NBEAL1: variants seen among roughly 807,000 people sequenced by gnomAD.
NBEAL1 encodes neurobeachin like 1, also known as neurobeachin-like protein 1.
In NBEAL1, 273 loss-of-function variants were observed where a neutral mutation model predicts 351.3. The ratio of observed to expected loss-of-function variants is 0.78; its 90% CI spans 0.70 to 0.86. The LOEUF is 0.86. Ranked by LOEUF, NBEAL1 falls within the 40% of genes least tolerant of loss-of-function variation. NBEAL1 has a pLI of 0.00. For missense variants in NBEAL1, 2,961 were observed against 3,201.3 expected (o/e 0.92, Z 1.81); for synonymous variants, 1,050 against 1,086.4 (o/e 0.97, Z 0.66).
chr2:203,171,076 G>A (rs2064304249), intron 39 of NBEAL1, among the ~76,000 whole-genome samples: 1 of 151,950 alleles, frequency 6.6e-6, no homozygotes, highest in African/African-American at 2.4e-5. Context: ...GGCCAACATG[G>A]TGAAACCCCA....
intron 31 of NBEAL1, among the ~76,000 whole-genome samples, chr2:203,144,083 C>T (rs1332036649): frequency 1.3e-5 from 2 of 151,610 alleles, no homozygotes; most frequent in Non-Finnish European, 2.9e-5. Flanking sequence ...TGGTGGCAGG[C>T]GCCTGTAATC....
intron 2 of NBEAL1, among the ~76,000 whole-genome samples, chr2:203,020,289 AT>A (rs553479974): frequency 1.0e-3 from 155 of 152,290 alleles, no homozygotes; most frequent in Non-Finnish European, 1.6e-3. Flanking sequence ...TTATGTTGTT[AT>A]TGTATAATAC....
In NBEAL1 at chr2:203,149,037, T is replaced by C; in HGVS notation, c.5351T>C (p.Leu1784Pro). The C allele has an allele frequency of 6.2e-7, 1 of 1,611,956 alleles. No individual in the cohort carries two copies. Among genetic ancestry groups the C allele is most frequent in the South Asian group, 1.1e-5 (1 of 90,682 alleles). The change falls in exon 34 of 56, where the codon CTG (leucine) becomes CCG (proline). Residue 1784 changes from leucine (L) to proline (P), a missense_variant. Leu to Pro is a moderately conservative substitution (Grantham distance 98). Transcript: ENST00000683969. ...AATCGAAAAGCACGCCAAGAGAACC[T>C]GAGGTATAATAATATGCTTAAACAA... ...PFNRKARQEN[L>P]RYNNMLKQLS... is the part of the protein sequence containing the mutation.
Position 203,126,711 on chromosome 2 carries a change from G to A in NBEAL1, c.3140G>A (p.Arg1047Gln), listed in dbSNP as rs1246280417. 12 of 1,502,462 alleles carry A rather than the reference G, an allele frequency of 8.0e-6. No individual in the cohort carries two copies. The highest frequency in any genetic ancestry group is 2.4e-5 in the Admixed American group (1 of 41,298). The allele number at this position is 1,502,462 out of a possible 1,614,324, so 93.1% of individuals were successfully genotyped here. ...TGGAACCGTGGAGATTTTCCCTTTC[G>A]AATCGGTGAGAGCAGGCTTTCAGAT... ...RIWNRGDFPF[R>Q]IGHIQYLSTI... The change falls in exon 22 of 56, where the codon CGA (arginine) becomes CAA (glutamine). Residue 1047 changes from arginine to glutamine, a missense_variant. Transcript: ENST00000683969.
chr2:203,050,186 C>G, intron 4 of NBEAL1: 2 of 357,664 alleles, frequency 5.6e-6, no homozygotes, highest in Non-Finnish European at 1.0e-5. Flanking sequence ...ATGTAACAAA[C>G]CTGCACATTC....
In NBEAL1 at chr2:203,138,188, C is replaced by T; in HGVS notation, c.4592C>T (p.Ala1531Val). 6.2e-7 allele frequency: 1 copy of T among 1,613,796 alleles called. No individual in the cohort carries two copies. The highest frequency in any genetic ancestry group is 2.2e-5 in the East Asian group (1 of 44,868). The change falls in exon 30 of 56, where the codon GCA becomes GTA. Residue 1531 changes from alanine to valine, a missense_variant. Physicochemically the swap from Ala to Val is moderately conservative, Grantham distance 64. Transcript: ENST00000683969. ...TTGCTACAAAAGATGTTAGAATGGG[C>T]AATCTCAGAAAACAGAGAAGCAAAA... is the stretch of plus-strand genomic sequence containing the variant. ...LTLLQKMLEW[A>V]ISENREAKTN... is the part of the protein sequence containing the mutation.
intron 30 of NBEAL1, 73 bp downstream of exon 30, chr2:203,138,388 C>T (rs1223810435): frequency 1.6e-5 from 22 of 1,389,456 alleles, no homozygotes; most frequent in Non-Finnish European, 2.2e-5. Context: ...TTTGCACCCC[C>T]TCTTTTTAGA....
At chr2:203,085,421 A>G (rs751846762) in intron 10 of NBEAL1, 1 of 152,322 alleles carries the variant, frequency 6.6e-6, no homozygotes, top group African/African-American at 2.4e-5. Flanking sequence ...GATTTATCTA[A>G]CCAATATTTA....
Position 203,224,332 on chromosome 2 carries a change from G to C in NBEAL1, c.*6978G>C, listed in dbSNP as rs918542394. ...TGGTTCCATTTAGAAACTCTTAACA[G>C]GTATGGCTTTCATTCCTCCAGTTGT... On this transcript the variant is annotated 3_prime_UTR_variant, in exon 56 of 56. Transcript: ENST00000683969. 6.6e-6 allele frequency among the ~76,000 whole-genome samples: 1 copy of C among 151,982 alleles called. No individual in the cohort carries two copies. Among genetic ancestry groups the C allele is most frequent in the Non-Finnish European group, 1.5e-5 (1 of 67,932 alleles).
intron 6 of NBEAL1, among the ~76,000 whole-genome samples, chr2:203,065,596 C>CA (rs1483585350): frequency 2.6e-5 from 4 of 151,906 alleles, no homozygotes; most frequent in African/African-American, 9.7e-5. Context: ...ACTAAAAATA[C>CA]AAAAAATTAG....
chr2:203,127,069 AATG>A (rs1229497499), intron 23 of NBEAL1, 143 bp downstream of exon 23: 1 of 582,374 alleles, frequency 1.7e-6, no homozygotes, highest in East Asian at 3.0e-5. Context: ...TGGAGGTTAA[AATG>A]ATGAACAGTG....
chr2:203,066,959 C>T (rs2061601874), intron 6 of NBEAL1, among the ~76,000 whole-genome samples: 1 of 149,384 alleles, frequency 6.7e-6, no homozygotes, highest in Non-Finnish European at 1.5e-5. Flanking sequence ...GCGCTCCTCA[C>T]TTACCAGGCG....
chr2:203,210,865 A>C, intron 53 of NBEAL1, 93 bp from the exon 54 acceptor site: 1 of 622,310 alleles, frequency 1.6e-6, no homozygotes, highest in East Asian at 3.0e-5. Context: ...ATGTTAAGCC[A>C]AATAATTATT....
At chr2:203,086,320 A>C (rs1195730204) in intron 10 of NBEAL1, 1 of 152,152 alleles carries the variant, frequency 6.6e-6, no homozygotes, top group Non-Finnish European at 1.5e-5. Context: ...AAATACTGGC[A>C]TTCCCTGTTT....
Position 203,057,457 on chromosome 2 carries a change from T to C in NBEAL1, c.515+4T>C. The C allele has an allele frequency of 6.5e-7, 1 of 1,545,816 alleles. No individual in the cohort carries two copies. Among genetic ancestry groups the C allele is most frequent in the South Asian group, 1.2e-5 (1 of 83,306 alleles). Reference sequence around the variant, plus strand: ...ATTGGAGACATAGAATTTCAGGGTATGTCTTATAAATAATAACGTTCATTT... The same window carrying C: ...ATTGGAGACATAGAATTTCAGGGTACGTCTTATAAATAATAACGTTCATTT... On this transcript the variant is annotated splice_donor_region_variant and intron_variant, in intron 6 of 55. Transcript: ENST00000683969.
chr2:203,121,520 C>T (rs190638002), intron 18 of NBEAL1, among the ~76,000 whole-genome samples: 150 of 151,520 alleles, frequency 9.9e-4, no homozygotes, highest in African/African-American at 2.9e-3. Context: ...GATGTGGTGG[C>T]GCACCACTGT....
chr2:203,166,688 A>G (rs1453110757), intron 37 of NBEAL1, among the ~76,000 whole-genome samples: 1 of 151,112 alleles, frequency 6.6e-6, no homozygotes, highest in Non-Finnish European at 1.5e-5. Context: ...CTGGGCTTAC[A>G]GGCATGTGCC....
chr2:203,141,500 A>C (rs1365738483), intron 31 of NBEAL1, among the ~76,000 whole-genome samples: 2 of 147,782 alleles, frequency 1.4e-5, no homozygotes, highest in South Asian at 4.3e-4. Flanking sequence ...CCCTAGCCTC[A>C]GCCTCCCAAG....
chr2:203,092,920 A>G (rs1273503666), intron 10 of NBEAL1, among the ~76,000 whole-genome samples: 1 of 152,206 alleles, frequency 6.6e-6, no homozygotes, highest in Non-Finnish European at 1.5e-5. Flanking sequence ...GATAAAGCCA[A>G]CATCTCACAT....
Sources: allele counts gnomAD v4.1 joint callset (sites outside exome capture counted in the v4.1 genomes callset), GRCh38; gene constraint gnomAD v4.1.1; transcripts MANE v1.5; gene names NCBI Gene and HGNC (gene_info 2026-07-23, HGNC 2026-07-21).